CHRNB1: variants seen among roughly 807,000 people sequenced by gnomAD.
CHRNB1 encodes acetylcholine receptor subunit beta.
Under a neutral mutation model 53.8 loss-of-function variants are expected in CHRNB1, and 47 were observed. The observed-to-expected ratio is 0.87, with a 90% CI of 0.69 to 1.11. The LOEUF (loss-of-function observed/expected upper bound fraction) is 1.11. CHRNB1 is among the 50% of genes most tolerant of loss of function. CHRNB1 has a pLI of 0.00. For synonymous variants in CHRNB1, 259 were observed against 263.5 expected, an observed-to-expected ratio of 0.98 and a Z score of 0.16; for missense variants, 605 against 654.9, an observed-to-expected ratio of 0.92 and a Z score of 0.83.
chr17:7,447,648 T>C lies in CHRNB1; in HGVS notation c.608T>C (p.Ile203Thr), dbSNP rs1186710796. The change falls in exon 6 of 11, where the codon ATT becomes ACT. Residue 203 changes from isoleucine (I) to threonine (T), a missense_variant and splice_region_variant. Transcript: ENST00000306071. ...ATCCACATTCATGAAGGGACTTTCATTGGTGAGTAGGCATGGCTCCTACAT... is the reference window on the plus strand; with the variant it reads ...ATCCACATTCATGAAGGGACTTTCACTGGTGAGTAGGCATGGCTCCTACAT... ...QEIHIHEGTF[I>T]ENGQWEIIHK... 15 of 1,614,080 alleles carry C rather than the reference T, an allele frequency of 9.3e-6. No homozygotes were observed. Among genetic ancestry groups the C allele is most frequent in the Admixed American group, 5.0e-5 (3 of 59,992 alleles).
intron 7 of CHRNB1, among the ~76,000 whole-genome samples, chr17:7,449,176 T>G (rs1908785194): frequency 6.7e-6 from 1 of 149,786 alleles, no homozygotes; most frequent in African/African-American, 2.5e-5. Context: ...CAATCTCGGC[T>G]CACTGCAAGC....
Position 7,455,422 on chromosome 17 carries a change from C to G in CHRNB1, c.1183C>G (p.Pro395Ala). ...RGTDEYFIRK[P>A]PSDFLFPKPN... ...AACAGATGAATATTTCATCCGGAAG[C>G]CGCCAAGTGATTTTCTCTTCCCCAA... The change falls in exon 9 of 11, where the codon CCG (proline) becomes GCG (alanine). Residue 395 changes from proline (P) to alanine (A), a missense_variant. Coordinates refer to ENST00000306071, the MANE Select transcript of CHRNB1 (RefSeq NM_000747.3). 6.2e-7 allele frequency: 1 copy of G among 1,614,132 alleles called. No individual in the cohort carries two copies. The highest frequency in any genetic ancestry group is 8.5e-7 in the Non-Finnish European group (1 of 1,180,028).
chr17:7,449,454 C>T (rs1908800620), intron 7 of CHRNB1, among the ~76,000 whole-genome samples: 1 of 135,084 alleles, frequency 7.4e-6, no homozygotes, highest in Admixed American at 8.5e-5. Flanking sequence ...TTTGCCCAGG[C>T]TGGAGTGCAG....
At chr17:7,451,535 C>G (rs1908889537) in intron 7 of CHRNB1, among the ~76,000 whole-genome samples, 1 of 152,022 alleles carries the variant, frequency 6.6e-6, no homozygotes, top group East Asian at 1.9e-4. Context: ...CCCGCCTTGG[C>G]CTCCCACAGT....
intron 7 of CHRNB1, among the ~76,000 whole-genome samples, chr17:7,453,166 G>A (rs1297753588): frequency 3.3e-5 from 5 of 152,196 alleles, no homozygotes; most frequent in Non-Finnish European, 7.3e-5. Context: ...TGCCCAGGCT[G>A]GAGTGCAATG....
In CHRNB1 at chr17:7,445,214, C is replaced by T. The variant is rs1567676242; in HGVS notation, c.58+29C>T. 3 of 1,611,268 alleles carry T rather than the reference C, an allele frequency of 1.9e-6. No homozygotes were observed. The highest frequency in any genetic ancestry group is 1.7e-5 in the Admixed American group (1 of 59,834). On this transcript the variant is annotated intron_variant, in intron 1 of 10. Transcript: ENST00000306071. The surrounding 1 kb of genome is among the most constrained non-coding windows in gnomAD (Gnocchi z 5.7). ...AGTGTAGGCCCCGAAGGGGCAGTGA[C>T]GGGGCCAGCGGTCGTGGCCAGGCAC...
intron 8 of CHRNB1, 99 bp from the exon 9 acceptor site, chr17:7,455,181 TACTC>T (rs1363158049): frequency 3.1e-6 from 4 of 1,291,924 alleles, no homozygotes; most frequent in Non-Finnish European, 4.5e-6. Context: ...TGCACGCACA[TACTC>T]ACGCGCGGGA....
At position 7,445,090 on chromosome 17, in the gene CHRNB1, G is replaced by T; in HGVS notation, c.-38G>T. ...CTTCCCCTGTGCTGGCGGTCCCAGC[G>T]GCTCTCTGAGCGAAGTCACTGAGCG... On this transcript the variant is annotated 5_prime_UTR_variant, in exon 1 of 11. Coordinates refer to ENST00000306071, the MANE Select transcript of CHRNB1 (RefSeq NM_000747.3). This position sits in a 1 kb window ranked among gnomAD's most constrained non-coding sequence, Gnocchi z 5.7. The T allele has an allele frequency of 6.3e-7, 1 of 1,597,034 alleles. No individual in the cohort carries two copies. Among genetic ancestry groups the T allele is most frequent in the South Asian group, 1.1e-5 (1 of 89,452 alleles).
rs184108855 is a variant in CHRNB1, at chr17:7,449,975, C to T, written c.820+1187C>T. The stretch of plus-strand genomic sequence containing the variant: ...AGGAGAATGGCGTGAACCCGGGAGG[C>T]GGAGCTTGCAGTGAGCCGACATTGT... On this transcript the variant is annotated intron_variant, in intron 7 of 10. Transcript: ENST00000306071. Among the ~76,000 whole-genome samples, 606 of 151,090 alleles carry T rather than the reference C, an allele frequency of 4.0e-3. 8 individuals carry two copies. The highest frequency in any genetic ancestry group is 0.014 in the African/African-American group (580 of 41,156).
rs1242849245 is a variant in CHRNB1 at position 7,445,598 on chromosome 17, G to T, written c.198+189G>T. 1.4e-6 allele frequency: 2 copies of T among 1,473,744 alleles called. No homozygotes were observed. The highest frequency in any genetic ancestry group is 1.8e-6 in the Non-Finnish European group (2 of 1,114,986). 91.3% of individuals were successfully genotyped at this position (1,473,744 alleles called of 1,614,324 possible). ...AGCTCTGGCCGTGGGTGGTGGACGG[G>T]CCTGGAGTAGAACTGGGTAGGGTGA... On this transcript the variant is annotated intron_variant, in intron 2 of 10. Coordinates refer to ENST00000306071, the MANE Select transcript of CHRNB1 (RefSeq NM_000747.3). This position sits in a 1 kb window ranked among gnomAD's most constrained non-coding sequence, Gnocchi z 5.7.
chr17:7,456,790 C>T lies in CHRNB1; in HGVS notation c.*67C>T. ...GAGAGTTTGGTGATACTGTCAAGCC[C>T]TATCCTTCTCTGCCTCTTAACTCCT... On this transcript the variant is annotated 3_prime_UTR_variant, in exon 11 of 11. Coordinates refer to ENST00000306071, the MANE Select transcript of CHRNB1 (RefSeq NM_000747.3). The T allele has an allele frequency of 6.3e-7, 1 of 1,595,408 alleles. No homozygotes were observed.
rs1908666348 is a variant in CHRNB1, at chr17:7,447,031, C to T, written c.354-12C>T. On this transcript the variant is annotated splice_polypyrimidine_tract_variant and intron_variant, in intron 4 of 10. Transcript: ENST00000306071. ...GCGGGGCCTGATCCCTGATGAGATC[C>T]CTTCTCTGCAGCAATGATGGGAATT... 2.5e-6 allele frequency: 4 copies of T among 1,613,228 alleles called. No individual in the cohort carries two copies. The highest frequency in any genetic ancestry group is 3.4e-6 in the Non-Finnish European group (4 of 1,179,278).
At chr17:7,449,508 A>G (rs1414862352) in intron 7 of CHRNB1, among the ~76,000 whole-genome samples, 1 of 150,754 alleles carries the variant, frequency 6.6e-6, no homozygotes, top group Non-Finnish European at 1.5e-5. Flanking sequence ...CTTGGGCTCA[A>G]ACAATCCTCC....
rs58239884 is a variant in CHRNB1, at chr17:7,446,327, C to CTGTGTGTGTG, written c.243+251_243+260dup. ...TTTGTGTGTGTGTGTGTGTGTGTGT[C>CTGTGTGTGTG]TGTGTGTGTGTGTGTGTGTGTGTGT... On this transcript the variant is annotated intron_variant, in intron 3 of 10. Coordinates refer to ENST00000306071, the MANE Select transcript of CHRNB1 (RefSeq NM_000747.3). The CTGTGTGTGTG allele has an allele frequency of 2.8e-3, 659 of 235,050 alleles. 11 individuals carry two copies. Among genetic ancestry groups the CTGTGTGTGTG allele is most frequent in the Non-Finnish European group, 3.6e-3 (435 of 119,934 alleles). The allele number at this position is 235,050 out of a possible 1,614,324, so 14.6% of individuals were successfully genotyped here.
At chr17:7,446,225 T>C in intron 3 of CHRNB1, 112 bp downstream of exon 3, 1 of 941,766 alleles carries the variant, frequency 1.1e-6, no homozygotes, top group African/African-American at 1.6e-5. Flanking sequence ...AACACGTTTA[T>C]AACTGAAGCA....
chr17:7,455,888 T>C lies in CHRNB1; in HGVS notation c.1312T>C (p.Ser438Pro). ...ALLPELREVV[S>P]SISYIARQLQ... ...GCTTCCGGAGCTACGGGAGGTCGTCTCCTCTATCAGCTACATCGCTCGACA... is the reference window on the plus strand; with the variant it reads ...GCTTCCGGAGCTACGGGAGGTCGTCCCCTCTATCAGCTACATCGCTCGACA... The change falls in exon 10 of 11, where the codon TCC becomes CCC. Residue 438 changes from serine (S) to proline (P), a missense_variant. Transcript: ENST00000306071. The C allele has an allele frequency of 6.2e-7, 1 of 1,613,984 alleles. No homozygotes were observed. The highest frequency in any genetic ancestry group is 8.5e-7 in the Non-Finnish European group (1 of 1,180,010).
rs1004764077 is a variant in CHRNB1, at chr17:7,456,743, C to A, written c.*20C>A. 5 of 1,614,018 alleles carry A rather than the reference C, an allele frequency of 3.1e-6. No individual in the cohort carries two copies. Among genetic ancestry groups the A allele is most frequent in the Non-Finnish European group, 4.2e-6 (5 of 1,180,022 alleles). On this transcript the variant is annotated 3_prime_UTR_variant, in exon 11 of 11. Transcript: ENST00000306071. ...CCTTGAAGACTGGAGGGTTGAGACC[C>A]AGGCCCCCTGCCAGTTGAAGTGAGA...
At position 7,445,547 on chromosome 17, in the gene CHRNB1, T is replaced by C. The variant is rs1908571818; in HGVS notation, c.198+138T>C. ...GAGATGGACCAGCCTTTGGTGAAGA[T>C]TGGATCGAAATCAGACCAATGGACA... On this transcript the variant is annotated intron_variant, in intron 2 of 10. Transcript: ENST00000306071. The surrounding 1 kb of genome is among the most constrained non-coding windows in gnomAD (Gnocchi z 5.7). 6 of 1,513,596 alleles carry C rather than the reference T, an allele frequency of 4.0e-6. No homozygotes were observed. Among genetic ancestry groups the C allele is most frequent in the African/African-American group, 1.4e-5 (1 of 72,606 alleles). The allele number at this position is 1,513,596 out of a possible 1,614,324, so 93.8% of individuals were successfully genotyped here. A position where few individuals can be genotyped will look rare whatever the true frequency, so the allele number is the denominator to read the frequency against.
chr17:7,446,303 TTGTGTGTGTGTGTGTGTGTGTGTCTGTG>T (rs1330310847), intron 3 of CHRNB1, 190 bp downstream of exon 3: 117 of 477,978 alleles, frequency 2.4e-4, no homozygotes, highest in African/African-American at 2.0e-3. Flanking sequence ...AATTCCAATT[TTGTGTGTGTGTGTGTGTGTGTGTCTGTG>T]TGTGTGTGTG....
Sources: allele counts gnomAD v4.1 joint callset (sites outside exome capture counted in the v4.1 genomes callset), GRCh38; gene constraint gnomAD v4.1.1; non-coding constraint Gnocchi (gnomAD v3.1); transcripts MANE v1.5; gene names NCBI Gene and HGNC (gene_info 2026-07-23, HGNC 2026-07-21).